The following F12 variants were observed in gnomAD, a reference collection of about 807,000 sequenced individuals.
The protein encoded by F12 is Hageman factor.
In F12, 70 loss-of-function variants were observed where a neutral mutation model predicts 74.8. The observed-to-expected ratio is 0.94, with a 90% CI of 0.77 to 1.14. F12 has a LOEUF of 1.14. Ranked by LOEUF, F12 falls within the 50% of genes most tolerant of loss-of-function variation. The probability of loss-of-function intolerance (pLI) is 0.00; values close to 1 mark genes in which losing one functional copy is unlikely to be tolerated. For missense variants in F12, 811 were observed against 835.7 expected, an observed-to-expected ratio of 0.97 and a Z score of 0.36; for synonymous variants, 373 against 356.4, an observed-to-expected ratio of 1.05 and a Z score of -0.52.
chr5:177,404,649 C>A lies in F12; in HGVS notation c.650G>T (p.Cys217Phe), dbSNP rs1335980719. 9 of 1,606,552 alleles carry A rather than the reference C, an allele frequency of 5.6e-6. No homozygotes were observed. Among genetic ancestry groups the A allele is most frequent in the Non-Finnish European group, 7.6e-6 (9 of 1,179,818 alleles). ...AFCDVDTKAS[C>F]YDGRGLSYRG... The stretch of plus-strand genomic sequence containing the variant: ...GTAGCTGAGCCCGCGGCCATCATAG[C>A]AGCTTGCCTTGGTGTCTGAGGAGAA... Residue 217 changes from cysteine (C) to phenylalanine (F), a missense_variant, in exon 8 of 14, where the codon TGC (cysteine) becomes TTC (phenylalanine). Coordinates refer to ENST00000253496, the MANE Select transcript of F12 (RefSeq NM_000505.4).
At chr5:177,408,047 C>G (rs1387105683) in intron 2 of F12, among the ~76,000 whole-genome samples, 1 of 151,722 alleles carries the variant, frequency 6.6e-6, no homozygotes, top group African/African-American at 2.4e-5. Flanking sequence ...ATGTGCCACA[C>G]TCTAGGTAAA....
Position 177,404,649 on chromosome 5 carries a change from C to T in F12, c.650G>A (p.Cys217Tyr). The change falls in exon 8 of 14, where the codon TGC (cysteine) becomes TAC (tyrosine). Residue 217 changes from cysteine to tyrosine, a missense_variant. Cys to Tyr is a radical substitution (Grantham distance 194, BLOSUM62 -2). Transcript: ENST00000253496. ...GTAGCTGAGCCCGCGGCCATCATAG[C>T]AGCTTGCCTTGGTGTCTGAGGAGAA... ...AFCDVDTKAS[C>Y]YDGRGLSYRG... 1 of 1,606,670 alleles carries T rather than the reference C, an allele frequency of 6.2e-7. No individual in the cohort carries two copies. Among genetic ancestry groups the T allele is most frequent in the Non-Finnish European group, 8.5e-7 (1 of 1,179,810 alleles).
intron 2 of F12, among the ~76,000 whole-genome samples, chr5:177,407,548 G>T (rs1312237927): frequency 6.6e-6 from 1 of 152,200 alleles, no homozygotes; most frequent in Non-Finnish European, 1.5e-5. Context: ...ACTTTGGGAG[G>T]CTAAGGTGGG....
chr5:177,402,834 G>T, intron 12 of F12, 136 bp from the exon 13 acceptor site: 1 of 1,261,736 alleles, frequency 7.9e-7, no homozygotes, highest in Non-Finnish European at 1.1e-6. Flanking sequence ...GGGAGGAGGT[G>T]CCATTAATTC....
At chr5:177,404,978 C>T (rs1321989419) in intron 6 of F12, 64 bp from the exon 7 acceptor site, 35 of 1,590,220 alleles carry the variant, frequency 2.2e-5, no homozygotes, top group Non-Finnish European at 2.7e-5. Flanking sequence ...GCTCTCCTTC[C>T]TGGCACACCA....
chr5:177,404,113 G>A (rs1205730067), intron 9 of F12, 23 bp from the exon 10 acceptor site: 1 of 1,597,450 alleles, frequency 6.3e-7, no homozygotes, highest in Non-Finnish European at 8.5e-7. Flanking sequence ...AGGGGCTGAG[G>A]ACGGAGAGCC....
intron 2 of F12, 23 bp from the exon 3 acceptor site, chr5:177,406,084 G>A (rs772210147): frequency 8.7e-6 from 14 of 1,600,792 alleles, no homozygotes; most frequent in Non-Finnish European, 1.2e-5. Context: ...CACACTCTCT[G>A]AGGACTTCCC....
At chr5:177,402,743 T>G (rs1413216802) in intron 12 of F12, 45 bp from the exon 13 acceptor site, 3 of 1,604,976 alleles carry the variant, frequency 1.9e-6, no homozygotes. Flanking sequence ...TGACAACGCT[T>G]GCCGCCCGGA....
chr5:177,404,961 C>A (rs536788457), intron 6 of F12, 47 bp from the exon 7 acceptor site: 1 of 1,585,622 alleles, frequency 6.3e-7, no homozygotes, highest in Admixed American at 1.8e-5. Flanking sequence ...AAAGACCCCC[C>A]CAGAGAGCTC....
At chr5:177,406,122 C>G (rs1763284765) in intron 2 of F12, 61 bp from the exon 3 acceptor site, 1 of 1,441,308 alleles carries the variant, frequency 6.9e-7, no homozygotes, top group Non-Finnish European at 9.8e-7. Flanking sequence ...GGCACTGTCC[C>G]TCAGGGTCTG....
At chr5:177,406,171 A>T (rs1763285326) in intron 2 of F12, 110 bp from the exon 3 acceptor site, 1 of 1,001,716 alleles carries the variant, frequency 1.0e-6, no homozygotes, top group African/African-American at 1.6e-5. Flanking sequence ...GTCGCTGTGC[A>T]TTGAAAACAC....
chr5:177,403,644 C>T (rs745721079), intron 10 of F12, 27 bp from the exon 11 acceptor site: 5 of 1,596,296 alleles, frequency 3.1e-6, no homozygotes, highest in Admixed American at 1.7e-5. Flanking sequence ...GGAGAGGCAG[C>T]GCTCTCAGAC....
Position 177,402,619 on chromosome 5 carries a change from C to G in F12, c.1611G>C (p.Val537=). The stretch of plus-strand genomic sequence containing the variant: ...TGCCGGGGAGGATGGAGGATCCGTG[C>G]ACGTCCGGGGCTGAGCAGCGCTCCA... The part of the protein sequence containing the change: ...LSLERCSAPD[V]HGSSILPGML... The change falls in exon 13 of 14, where the codon GTG becomes GTC. Residue 537 remains valine, a synonymous_variant. Transcript: ENST00000253496. The G allele has an allele frequency of 1.2e-6, 2 of 1,613,168 alleles. No individual in the cohort carries two copies. The highest frequency in any genetic ancestry group is 1.1e-5 in the South Asian group (1 of 91,076).
chr5:177,402,789 A>T, intron 12 of F12, 91 bp from the exon 13 acceptor site: 2 of 1,542,054 alleles, frequency 1.3e-6, no homozygotes, highest in Admixed American at 1.9e-5. Flanking sequence ...TTGTAAACCC[A>T]CTCATGCCCT....
chr5:177,409,242 C>T (rs1380370188), intron 1 of F12, 139 bp from the exon 2 acceptor site: 15 of 1,030,492 alleles, frequency 1.5e-5, no homozygotes, highest in Middle Eastern at 2.1e-4. Flanking sequence ...TACCTCCCCC[C>T]GTTGTCTTCT....
chr5:177,405,690 C>T (rs770032525), intron 4 of F12, 45 bp downstream of exon 4: 46 of 1,577,370 alleles, frequency 2.9e-5, no homozygotes, highest in East Asian at 4.5e-5. Flanking sequence ...AGTAATGAGG[C>T]GGGAGGAGAG....
chr5:177,407,158 C>G (rs1191583137), intron 2 of F12, among the ~76,000 whole-genome samples: 2 of 152,216 alleles, frequency 1.3e-5, no homozygotes, highest in African/African-American at 4.8e-5. Context: ...TGTCTTTAAA[C>G]AGAATCATAC....
In F12 at chr5:177,405,373, C is replaced by G; in HGVS notation, c.347G>C (p.Gly116Ala). ...GTGTTGTGGACAGAGACAGTGGGGG[C>G]CGCTTGGCATGTTCACACAGGTCCC... is the stretch of plus-strand genomic sequence containing the variant. ...KGGTCVNMPS[G>A]PHCLCPQHLT... Residue 116 changes from glycine to alanine, a missense_variant, in exon 5 of 14, where the codon GGC becomes GCC. Transcript: ENST00000253496. 1 of 1,614,146 alleles carries G rather than the reference C, an allele frequency of 6.2e-7. No individual in the cohort carries two copies. Among genetic ancestry groups the G allele is most frequent in the Non-Finnish European group, 8.5e-7 (1 of 1,180,016 alleles).
intron 3 of F12, 65 bp from the exon 4 acceptor site, chr5:177,405,870 T>C: frequency 6.2e-7 from 1 of 1,600,932 alleles, no homozygotes; most frequent in East Asian, 2.2e-5. Flanking sequence ...CCTATCACAG[T>C]CCCCTCTCTC....
Sources: gnomAD v4.1 joint callset for allele counts (sites outside exome capture counted in the v4.1 genomes callset) on GRCh38, gnomAD v4.1.1 for gene constraint, MANE v1.5 for transcripts, NCBI Gene and HGNC (gene_info 2026-07-23, HGNC 2026-07-21) for gene names.